The following SV2B variants were observed in gnomAD, a reference collection of about 807,000 sequenced individuals.
The protein encoded by SV2B is solute carrier family 22 member B2.
A neutral mutation model predicts 73.9 loss-of-function variants in SV2B; 41 were observed. The ratio of observed to expected loss-of-function variants is 0.56; its 90% confidence interval spans 0.43 to 0.72. The LOEUF (loss-of-function observed/expected upper bound fraction) is 0.72, where lower values mean the gene tolerates loss of function less well. SV2B is among the 30% of genes least tolerant of loss of function. SV2B has a pLI of 0.00. For synonymous variants in SV2B, 314 were observed against 314.2 expected (o/e 1.00, Z 0.01); for missense variants, 764 against 857.8 (o/e 0.89, Z 1.37).
chr15:91,270,856 C>T lies in SV2B; in HGVS notation c.1373+2251C>T, dbSNP rs1177311576. Reference sequence around the variant, plus strand: ...GTGGATGATGGGGGGACGGTGAATCCTGTGGATGATGGGCGGACGGTGAAT... The same window carrying T: ...GTGGATGATGGGGGGACGGTGAATCTTGTGGATGATGGGCGGACGGTGAAT... On this transcript the variant is annotated intron_variant, in intron 9 of 12. Transcript: ENST00000394232. Among the ~76,000 whole-genome samples, 210 of 127,748 alleles carry T rather than the reference C, an allele frequency of 1.6e-3. 4 individuals carry two copies. Among genetic ancestry groups the T allele is most frequent in the African/African-American group, 6.6e-3 (196 of 29,766 alleles). The allele number at this position is 127,748 out of a possible 152,430, so 83.8% of individuals were successfully genotyped here.
rs1019782471 is a variant in SV2B at position 91,283,099 on chromosome 15, G to A, written c.1508-922G>A. 6.6e-6 allele frequency among the ~76,000 whole-genome samples: 1 copy of A among 152,192 alleles called. No homozygotes were observed. The highest frequency in any genetic ancestry group is 1.5e-5 in the Non-Finnish European group (1 of 68,028). On this transcript the variant is annotated intron_variant, in intron 10 of 12. Coordinates refer to ENST00000394232, the MANE Select transcript of SV2B (RefSeq NM_001323032.3). The surrounding 1 kb of genome is among the most constrained non-coding windows in gnomAD (Gnocchi z 4.3). ...GTAGATTTTGTAGGTAGAGCCTCAG[G>A]GAGGTTAAAGAGGGTCAGCAGCAGG... is the stretch of plus-strand genomic sequence containing the variant.
At chr15:91,275,509 A>C (rs1400932342) in intron 9 of SV2B, among the ~76,000 whole-genome samples, 2 of 152,208 alleles carry the variant, frequency 1.3e-5, no homozygotes, top group Non-Finnish European at 2.9e-5. Context: ...CCAGTGAACT[A>C]TCTTTTAGAA....
chr15:91,274,324 T>A (rs1472393650), intron 9 of SV2B, among the ~76,000 whole-genome samples: 3 of 152,208 alleles, frequency 2.0e-5, no homozygotes, highest in Non-Finnish European at 4.4e-5. Flanking sequence ...CTGTTCTTGT[T>A]CAACTTTGGT....
chr15:91,211,044 C>T lies in SV2B; in HGVS notation c.-391-14829C>T, dbSNP rs149974410. ...GTAAGGCCACACCCCTAGGGAGGGACGACCAGAAAAGGAGAAAATGAAGTT... is the reference window on the plus strand; with the variant it reads ...GTAAGGCCACACCCCTAGGGAGGGATGACCAGAAAAGGAGAAAATGAAGTT... On this transcript the variant is annotated intron_variant, in intron 1 of 12. Coordinates refer to ENST00000394232, the MANE Select transcript of SV2B (RefSeq NM_001323032.3). Among the ~76,000 whole-genome samples, 405 of 152,256 alleles carry T rather than the reference C, an allele frequency of 2.7e-3. 3 individuals are homozygous for T. The highest frequency in any genetic ancestry group is 9.4e-3 in the African/African-American group (390 of 41,542).
intron 1 of SV2B, among the ~76,000 whole-genome samples, chr15:91,174,076 C>T (rs2044217812): frequency 6.6e-6 from 1 of 152,176 alleles, no homozygotes; most frequent in Admixed American, 6.5e-5. Flanking sequence ...GCCTTCTGAC[C>T]ACTTGTCTGA....
At chr15:91,145,109 G>T (rs1274716929) in intron 1 of SV2B, among the ~76,000 whole-genome samples, 1 of 152,092 alleles carries the variant, frequency 6.6e-6, no homozygotes, top group Non-Finnish European at 1.5e-5. Context: ...GTACCCATTA[G>T]TTATTGTTCC....
chr15:91,125,781 C>CAAAAAAAAA (rs200016125), intron 1 of SV2B, among the ~76,000 whole-genome samples: 573 of 56,948 alleles, frequency 0.01, 21 homozygotes, highest in African/African-American at 0.034. Context: ...TCTCAAGGGG[C>CAAAAAAAAA]AAAAAAAAAA....
chr15:91,121,510 G>A lies in SV2B; in HGVS notation c.-392+21147G>A, dbSNP rs1455019722. Among the ~76,000 whole-genome samples, 1 of 151,818 alleles carries A rather than the reference G, an allele frequency of 6.6e-6. No homozygotes were observed. The highest frequency in any genetic ancestry group is 1.5e-5 in the Non-Finnish European group (1 of 67,954). ...AGAATCTTGCTTCTTTTTCTTTCAT[G>A]TCTATTATGTCATTATTTTTTACCT... On this transcript the variant is annotated intron_variant, in intron 1 of 12. Transcript: ENST00000394232. This position sits in a 1 kb window ranked among gnomAD's most constrained non-coding sequence, Gnocchi z 4.4.
chr15:91,175,995 T>C (rs113372062), intron 1 of SV2B, among the ~76,000 whole-genome samples: 5 of 152,024 alleles, frequency 3.3e-5, no homozygotes, highest in Non-Finnish European at 5.9e-5. Flanking sequence ...CCCATTAACT[T>C]GTCATTTAGC....
rs902477894 is a variant in SV2B at position 91,120,320 on chromosome 15, C to T, written c.-392+19957C>T. On this transcript the variant is annotated intron_variant, in intron 1 of 12. Coordinates refer to ENST00000394232, the MANE Select transcript of SV2B (RefSeq NM_001323032.3). ...AGAGAGTGAGGGAGGAAGTGCCACA[C>T]ACTTTTAAACCATCAGATCTTGTGA... is the stretch of plus-strand genomic sequence containing the variant. Among the ~76,000 whole-genome samples, 4 of 152,132 alleles carry T rather than the reference C, an allele frequency of 2.6e-5. No homozygotes were observed. In the South Asian group the frequency reaches 8.3e-4, roughly 32 times the overall value.
chr15:91,260,555 C>G, intron 6 of SV2B, 146 bp downstream of exon 6: 1 of 605,790 alleles, frequency 1.7e-6, no homozygotes, highest in Non-Finnish European at 2.7e-6. Context: ...AATAATTATT[C>G]TTCACATTTT....
intron 1 of SV2B, among the ~76,000 whole-genome samples, chr15:91,158,363 A>G (rs936317186): frequency 1.3e-5 from 2 of 152,124 alleles, no homozygotes; most frequent in Non-Finnish European, 2.9e-5. Flanking sequence ...GGGGATTACA[A>G]GGTGATGGGG....
chr15:91,281,773 C>A lies in SV2B; in HGVS notation c.1419C>A (p.Phe473Leu), dbSNP rs2048688949. 6.2e-7 allele frequency: 1 copy of A among 1,613,046 alleles called. No homozygotes were observed. The highest frequency in any genetic ancestry group is 1.3e-5 in the African/African-American group (1 of 75,002). The change falls in exon 10 of 13, where the codon TTC becomes TTA. Residue 473 changes from phenylalanine (F) to leucine (L), a missense_variant. Phe to Leu is a conservative substitution (Grantham distance 22). Transcript: ENST00000394232. The surrounding 1 kb of genome is among the most constrained non-coding windows in gnomAD (Gnocchi z 4.7). The stretch of plus-strand genomic sequence containing the variant: ...AACATGTACTCTTTGAGGACACATT[C>A]TTTGACGAGTGCTATTTTGAAGACG... ...YFKHVLFEDTFFDECYFEDVT... is the reference protein window; with the variant it reads ...YFKHVLFEDTLFDECYFEDVT...
At chr15:91,114,183 CAAAAAAAAAAAA>C (rs11372573) in intron 1 of SV2B, among the ~76,000 whole-genome samples, 4 of 55,962 alleles carry the variant, frequency 7.1e-5, no homozygotes, top group Non-Finnish European at 9.4e-5. Flanking sequence ...GACTCCATCT[CAAAAAAAAAAAA>C]AAAAAAAAAA....
intron 2 of SV2B, 104 bp downstream of exon 2, chr15:91,226,818 C>T: frequency 1.5e-6 from 2 of 1,360,244 alleles, no homozygotes; most frequent in Non-Finnish European, 2.0e-6. Context: ...ACAATGTACC[C>T]ATTTTGCTGT....
At chr15:91,145,761 CAT>C (rs1296872687) in intron 1 of SV2B, among the ~76,000 whole-genome samples, 1 of 152,150 alleles carries the variant, frequency 6.6e-6, no homozygotes, top group African/African-American at 2.4e-5. Flanking sequence ...CTTTTTTACA[CAT>C]GATTTTTGGC....
chr15:91,242,564 C>T lies in SV2B; in HGVS notation c.452-9255C>T, dbSNP rs2047061459. Among the ~76,000 whole-genome samples, 1 of 152,062 alleles carries T rather than the reference C, an allele frequency of 6.6e-6. No individual in the cohort carries two copies. The highest frequency in any genetic ancestry group is 2.4e-5 in the African/African-American group (1 of 41,402). ...TTTCGCCTGAAATATGAGAAGGAGCCAGCCATGCGAAGATCTGAACAAAGA... is the reference window on the plus strand; with the variant it reads ...TTTCGCCTGAAATATGAGAAGGAGCTAGCCATGCGAAGATCTGAACAAAGA... On this transcript the variant is annotated intron_variant, in intron 2 of 12. Transcript: ENST00000394232. This position sits in a 1 kb window ranked among gnomAD's most constrained non-coding sequence, Gnocchi z 4.9.
At position 91,294,905 on chromosome 15, in the gene SV2B, G is replaced by A. The variant is rs541395363; in HGVS notation, c.*2353G>A. On this transcript the variant is annotated 3_prime_UTR_variant, in exon 13 of 13. Coordinates refer to ENST00000394232, the MANE Select transcript of SV2B (RefSeq NM_001323032.3). This position sits in a 1 kb window ranked among gnomAD's most constrained non-coding sequence, Gnocchi z 4.1. ...ATCCATCACTCAGGTCTTTGTAAAGGGTGCAGCCAAGCTCTGCAGACTTTT... is the reference window on the plus strand; with the variant it reads ...ATCCATCACTCAGGTCTTTGTAAAGAGTGCAGCCAAGCTCTGCAGACTTTT... The A allele has an allele frequency of 9.2e-5, 14 of 152,674 alleles. No homozygotes were observed. In the East Asian group the frequency reaches 2.5e-3, roughly 27 times the overall value. 9.5% of individuals were successfully genotyped at this position (152,674 alleles called of 1,614,324 possible).
At chr15:91,173,819 C>T (rs2044208875) in intron 1 of SV2B, among the ~76,000 whole-genome samples, 1 of 152,118 alleles carries the variant, frequency 6.6e-6, no homozygotes, top group Non-Finnish European at 1.5e-5. Context: ...GCAAAAGGAC[C>T]ATTCCTTTTG....
Sources: gnomAD v4.1 joint callset for allele counts (sites outside exome capture counted in the v4.1 genomes callset) on GRCh38, gnomAD v4.1.1 for gene constraint, Gnocchi (gnomAD v3.1) non-coding constraint, MANE v1.5 for transcripts, NCBI Gene and HGNC (gene_info 2026-07-23, HGNC 2026-07-21) for gene names.